KIF26B: variants seen among roughly 807,000 people sequenced by gnomAD.
KIF26B encodes the protein kinesin family member 26B.
Under a neutral mutation model 151.2 loss-of-function variants are expected in KIF26B, and 63 were observed. The ratio of observed to expected loss-of-function variants is 0.42; its 90% CI spans 0.34 to 0.51. The LOEUF (loss-of-function observed/expected upper bound fraction) is 0.51. KIF26B is among the 20% of genes least tolerant of loss of function. KIF26B has a pLI of 0.07. For synonymous variants in KIF26B, 1,357 were observed against 1,262.1 expected, an observed-to-expected ratio of 1.08 and a Z score of -1.59; for missense variants, 2,813 against 2,913.6, an observed-to-expected ratio of 0.97 and a Z score of 0.79.
At chr1:245,359,911 C>A (rs1349702222) in intron 2 of KIF26B, among the ~76,000 whole-genome samples, 1 of 148,502 alleles carries the variant, frequency 6.7e-6, no homozygotes, top group Non-Finnish European at 1.5e-5. Context: ...CTCACTCTGT[C>A]ACCCGGGCTG....
intron 2 of KIF26B, among the ~76,000 whole-genome samples, chr1:245,292,625 T>C (rs1267962893): frequency 6.6e-6 from 1 of 152,192 alleles, no homozygotes; most frequent in Non-Finnish European, 1.5e-5. Context: ...TTCACTGCCT[T>C]AGGCATCTGG....
chr1:245,562,012 G>A (rs77020633), intron 5 of KIF26B, among the ~76,000 whole-genome samples: 313 of 152,224 alleles, frequency 2.1e-3, no homozygotes, highest in African/African-American at 5.9e-3. Context: ...GGGCCGTTGC[G>A]GATTGCAGCT....
intron 10 of KIF26B, among the ~76,000 whole-genome samples, chr1:245,666,741 T>C (rs1465983178): frequency 3.9e-5 from 6 of 151,910 alleles, no homozygotes; most frequent in Non-Finnish European, 8.8e-5. Flanking sequence ...CCGTACCAAA[T>C]GGTACGGACA....
rs113533587 is a variant in KIF26B at position 245,427,674 on chromosome 1, A to AT, written c.1166+7938dup. Among the ~76,000 whole-genome samples the AT allele has an allele frequency of 2.9e-3, 440 of 151,312 alleles. 4 individuals carry two copies. The highest frequency in any genetic ancestry group is 9.4e-3 in the African/African-American group (389 of 41,250). ...TCATATTGTAGAACTTCACTGTATT[A>AT]TTTTTTTTTCCTGTTTCTTGTTTTG... On this transcript the variant is annotated intron_variant, in intron 4 of 14. Coordinates refer to ENST00000407071, the MANE Select transcript of KIF26B (RefSeq NM_018012.4).
At chr1:245,493,650 A>G (rs55853546) in intron 4 of KIF26B, among the ~76,000 whole-genome samples, 5,039 of 152,330 alleles carry the variant, frequency 0.033, 132 homozygotes, top group Non-Finnish European at 0.05. Context: ...CTACTGAGCC[A>G]GAATTGTCTC....
chr1:245,618,321 G>C (rs2043616188), intron 9 of KIF26B, among the ~76,000 whole-genome samples: 1 of 152,052 alleles, frequency 6.6e-6, no homozygotes, highest in African/African-American at 2.4e-5. Flanking sequence ...TGCCAGGGCT[G>C]TGTCTGCTGC....
intron 3 of KIF26B, chr1:245,370,614 A>T: frequency 2.2e-6 from 1 of 456,730 alleles, no homozygotes; most frequent in Non-Finnish European, 4.4e-6. Flanking sequence ...GGGGCCGGTT[A>T]GAAGACTCGG....
intron 9 of KIF26B, among the ~76,000 whole-genome samples, chr1:245,625,800 CCACA>C (rs1449118114): frequency 1.3e-5 from 2 of 151,534 alleles, no homozygotes; most frequent in Non-Finnish European, 2.9e-5. Context: ...CCGCCCCTTC[CCACA>C]CACACACATT....
intron 5 of KIF26B, among the ~76,000 whole-genome samples, chr1:245,556,334 TCCTCCTTCCTCCCTCCTCCTCCTCCTC>T (rs1438010064): frequency 0.026 from 3,607 of 136,900 alleles, 182 homozygotes; most frequent in African/African-American, 0.097. Flanking sequence ...TCCTCCTTCT[TCCTCCTTCCTCCCTCCTCCTCCTCCTC>T]CTTCTTCTTC....
At chr1:245,557,380 G>A (rs1253865205) in intron 5 of KIF26B, among the ~76,000 whole-genome samples, 5 of 152,146 alleles carry the variant, frequency 3.3e-5, no homozygotes, top group Admixed American at 3.3e-4. Flanking sequence ...CGTCGCAGCC[G>A]GCAGGTCCCA....
intron 3 of KIF26B, among the ~76,000 whole-genome samples, chr1:245,400,746 G>A (rs1673979843): frequency 6.6e-6 from 1 of 152,052 alleles, no homozygotes; most frequent in African/African-American, 2.4e-5. Context: ...GATATGCAGG[G>A]TTAAATGAAA....
chr1:245,295,118 A>G (rs1432724670), intron 2 of KIF26B, among the ~76,000 whole-genome samples: 1 of 152,220 alleles, frequency 6.6e-6, no homozygotes, highest in African/African-American at 2.4e-5. Context: ...GACATAAATA[A>G]TGAAGCATAA....
intron 5 of KIF26B, among the ~76,000 whole-genome samples, chr1:245,562,316 T>G (rs115567502): frequency 1.3e-5 from 2 of 152,128 alleles, no homozygotes; most frequent in African/African-American, 4.8e-5. Flanking sequence ...CATAACCTAG[T>G]GGCCCAAATC....
chr1:245,478,312 C>G (rs1390254176), intron 4 of KIF26B, among the ~76,000 whole-genome samples: 1 of 151,524 alleles, frequency 6.6e-6, no homozygotes, highest in Non-Finnish European at 1.5e-5. Flanking sequence ...ATCCACGTTT[C>G]TGTGGGGGTG....
At position 245,201,315 on chromosome 1, in the gene KIF26B, A is replaced by G. The variant is rs73127111; in HGVS notation, c.465+44632A>G. ...TGGATGATATTATGCTTGAAATAAA[A>G]TAATCCTGATCATGGAGCAAGCACA... On this transcript the variant is annotated intron_variant, in intron 2 of 14. Transcript: ENST00000407071. 8.5e-3 allele frequency among the ~76,000 whole-genome samples: 1,294 copies of G among 152,380 alleles called. 22 individuals carry two copies. Among genetic ancestry groups the G allele is most frequent in the African/African-American group, 0.029 (1,215 of 41,578 alleles).
intron 2 of KIF26B, among the ~76,000 whole-genome samples, chr1:245,306,038 A>G (rs1671533368): frequency 6.6e-6 from 1 of 152,134 alleles, no homozygotes. Context: ...ATGTTATCAT[A>G]TGACCCAACA....
intron 10 of KIF26B, among the ~76,000 whole-genome samples, chr1:245,675,705 A>G (rs1267079907): frequency 6.6e-6 from 1 of 152,108 alleles, no homozygotes. Flanking sequence ...ATTGGAGTTG[A>G]AAGAATTTGG....
intron 10 of KIF26B, among the ~76,000 whole-genome samples, chr1:245,648,498 G>A (rs1249660190): frequency 6.6e-6 from 1 of 151,934 alleles, no homozygotes; most frequent in Non-Finnish European, 1.5e-5. Flanking sequence ...AACCGGGCAT[G>A]GTGTTGCATG....
chr1:245,285,357 C>T (rs6428913), intron 2 of KIF26B, among the ~76,000 whole-genome samples: 89,562 of 151,324 alleles, frequency 0.59, 26,831 homozygotes, highest in East Asian at 0.7. Context: ...TCATGTGGTC[C>T]TCAGTCCAAT....
Sources: gnomAD v4.1 joint callset for allele counts (sites outside exome capture counted in the v4.1 genomes callset) on GRCh38, gnomAD v4.1.1 for gene constraint, MANE v1.5 for transcripts, NCBI Gene and HGNC (gene_info 2026-07-23, HGNC 2026-07-21) for gene names.